Variants in TMEM51 observed in about 807,000 individuals in gnomAD.
TMEM51 encodes the protein transmembrane protein 51, also known as chromosome 1 open reading frame 72.
A neutral mutation model predicts 13.6 loss-of-function variants in TMEM51; 8 were observed. The ratio of observed to expected loss-of-function variants is 0.59; its 90% CI spans 0.35 to 1.07. The LOEUF (loss-of-function observed/expected upper bound fraction) is 1.07, where lower values mean the gene tolerates loss of function less well. Among genes scored for constraint, TMEM51 ranks in the 50% least tolerant of loss-of-function variants. The pLI, the probability that TMEM51 is intolerant of heterozygous loss-of-function variation, is 0.02. For synonymous variants in TMEM51, 147 were observed against 144.4 expected, an observed-to-expected ratio of 1.02 and a Z score of -0.13; for missense variants, 279 against 330.7, an observed-to-expected ratio of 0.84 and a Z score of 1.21.
chr1:15,164,708 T>C (rs1022538940), intron 1 of TMEM51, among the ~76,000 whole-genome samples: 1 of 151,638 alleles, frequency 6.6e-6, no homozygotes, highest in Non-Finnish European at 1.5e-5. Context: ...AAAACTTTGA[T>C]ATATCAAATG....
intron 1 of TMEM51, among the ~76,000 whole-genome samples, chr1:15,170,930 G>T (rs1181753919): frequency 1.3e-5 from 2 of 151,950 alleles, no homozygotes; most frequent in Non-Finnish European, 2.9e-5. Flanking sequence ...GGGTTTAACC[G>T]TGTTAATCAG....
At chr1:15,211,821 A>AC (rs3078883) in intron 2 of TMEM51, among the ~76,000 whole-genome samples, 102 of 101,032 alleles carry the variant, frequency 1.0e-3, no homozygotes, top group South Asian at 1.4e-3. Context: ...CTGAAAGGTG[A>AC]CCCCCCCCCC....
intron 1 of TMEM51, among the ~76,000 whole-genome samples, chr1:15,194,668 C>T (rs749437302): frequency 1.5e-4 from 23 of 152,154 alleles, no homozygotes; most frequent in Non-Finnish European, 3.1e-4. Flanking sequence ...TTCCTCTTTT[C>T]TCCCCTCTCC....
chr1:15,215,989 G>A (rs1018981734), intron 3 of TMEM51, among the ~76,000 whole-genome samples: 13 of 151,788 alleles, frequency 8.6e-5, no homozygotes, highest in African/African-American at 2.4e-4. Context: ...CTGAGATACC[G>A]CCACTGCACT....
chr1:15,194,680 A>G (rs1325701497), intron 1 of TMEM51, among the ~76,000 whole-genome samples: 1 of 151,890 alleles, frequency 6.6e-6, no homozygotes, highest in Non-Finnish European at 1.5e-5. Context: ...CCCCTCTCCT[A>G]TTCCATCCAG....
At chr1:15,166,919 C>T (rs1573380573) in intron 1 of TMEM51, among the ~76,000 whole-genome samples, 1 of 152,160 alleles carries the variant, frequency 6.6e-6, no homozygotes, top group Non-Finnish European at 1.5e-5. Flanking sequence ...TCTCCACCCC[C>T]CAGCAGCCAC....
chr1:15,193,832 C>T (rs112880581), intron 1 of TMEM51, among the ~76,000 whole-genome samples: 61 of 152,342 alleles, frequency 4.0e-4, no homozygotes, highest in African/African-American at 1.4e-3. Flanking sequence ...GCTGGGATTA[C>T]AGGCGTGAGC....
At chr1:15,202,207 C>T (rs975959178) in intron 1 of TMEM51, among the ~76,000 whole-genome samples, 4 of 152,168 alleles carry the variant, frequency 2.6e-5, no homozygotes, top group African/African-American at 4.8e-5. Flanking sequence ...TCCCTCCAAC[C>T]TGGCCACACG....
At chr1:15,200,089 G>A (rs1358511707) in intron 1 of TMEM51, among the ~76,000 whole-genome samples, 1 of 152,108 alleles carries the variant, frequency 6.6e-6, no homozygotes, top group African/African-American at 2.4e-5. Flanking sequence ...TACTCAGAAT[G>A]GGATTGCATT....
At chr1:15,217,274 C>T (rs937133315) in intron 3 of TMEM51, among the ~76,000 whole-genome samples, 1 of 152,146 alleles carries the variant, frequency 6.6e-6, no homozygotes, top group Non-Finnish European at 1.5e-5. Flanking sequence ...TGGTAATGAC[C>T]TGGAAGTTAC....
chr1:15,176,292 T>A (rs1264081301), intron 1 of TMEM51, among the ~76,000 whole-genome samples: 1 of 152,144 alleles, frequency 6.6e-6, no homozygotes, highest in African/African-American at 2.4e-5. Flanking sequence ...GAGGCGGCAG[T>A]GAGAACACAG....
chr1:15,154,030 G>C (rs1024822713), intron 1 of TMEM51, 76 bp downstream of exon 1: 1 of 152,164 alleles, frequency 6.6e-6, no homozygotes, highest in Non-Finnish European at 1.5e-5. Context: ...GCCGTGTAAG[G>C]GGGCCGAGGC....
At chr1:15,216,812 C>G (rs898613018) in intron 3 of TMEM51, among the ~76,000 whole-genome samples, 3 of 152,076 alleles carry the variant, frequency 2.0e-5, no homozygotes, top group Non-Finnish European at 4.4e-5. Flanking sequence ...ATATCCACAA[C>G]AATGAGAAAA....
intron 1 of TMEM51, among the ~76,000 whole-genome samples, chr1:15,154,881 C>T (rs1303810366): frequency 1.5e-5 from 2 of 131,048 alleles, no homozygotes; most frequent in African/African-American, 2.8e-5. Flanking sequence ...CGGGCGCTGC[C>T]GGAGTGGGGT....
intron 1 of TMEM51, among the ~76,000 whole-genome samples, chr1:15,154,616 G>A (rs1310790704): frequency 6.6e-6 from 1 of 152,148 alleles, no homozygotes. Context: ...CCGGGCCTAG[G>A]GGAGAGCAGA....
chr1:15,192,216 T>G (rs1431051090), intron 1 of TMEM51: 2 of 374,042 alleles, frequency 5.3e-6, no homozygotes, highest in Non-Finnish European at 5.3e-6. Flanking sequence ...TAAGAGATCT[T>G]TCTAAATCCA....
chr1:15,195,125 G>T (rs1299091147), intron 1 of TMEM51, among the ~76,000 whole-genome samples: 1 of 151,522 alleles, frequency 6.6e-6, no homozygotes, highest in Non-Finnish European at 1.5e-5. Flanking sequence ...TAGAGATGGG[G>T]TTTCGTCATG....
At chr1:15,174,669 A>T (rs983518437) in intron 1 of TMEM51, among the ~76,000 whole-genome samples, 11 of 152,136 alleles carry the variant, frequency 7.2e-5, no homozygotes, top group Non-Finnish European at 1.5e-4. Context: ...AATATCATAC[A>T]CTGGGTGGCT....
chr1:15,216,446 G>T (rs891738347), intron 3 of TMEM51, among the ~76,000 whole-genome samples: 1 of 152,128 alleles, frequency 6.6e-6, no homozygotes, highest in African/African-American at 2.4e-5. Context: ...CAAGCAAAAA[G>T]ATGTCTTTTC....
Sources: allele counts gnomAD v4.1 joint callset (sites outside exome capture counted in the v4.1 genomes callset), GRCh38; gene constraint gnomAD v4.1.1; transcripts MANE v1.5; gene names NCBI Gene and HGNC (gene_info 2026-07-23, HGNC 2026-07-21).